MAU2: variants seen among roughly 807,000 people sequenced by gnomAD.
MAU2 encodes the protein MAU2 sister chromatid cohesion factor, also known as MAU2 chromatid cohesion factor homolog.
A neutral mutation model predicts 89.1 loss-of-function variants in MAU2; 9 were observed. That is an observed-to-expected ratio of 0.10 (90% CI 0.06 to 0.18). MAU2 has a LOEUF of 0.18. Ranked by LOEUF, MAU2 falls within the 10% of genes least tolerant of loss-of-function variation. The probability of loss-of-function intolerance (pLI) is 1.00; values close to 1 mark genes in which losing one functional copy is unlikely to be tolerated. For synonymous variants in MAU2, 357 were observed against 343.4 expected (o/e 1.04, Z -0.44); for missense variants, 425 against 803.5 (o/e 0.53, Z 5.69).
At chr19:19,341,225 C>G (rs754645193) in intron 6 of MAU2, 27 bp from the exon 7 acceptor site, 1 of 1,604,082 alleles carries the variant, frequency 6.2e-7, no homozygotes, top group East Asian at 2.2e-5. Flanking sequence ...AGCCCTGTAC[C>G]CTACACCTGC....
intron 7 of MAU2, 106 bp downstream of exon 7, chr19:19,341,513 C>T: frequency 7.3e-7 from 1 of 1,362,820 alleles, no homozygotes; most frequent in East Asian, 2.4e-5. Flanking sequence ...ATCGCCTTAC[C>T]TTGCCACACA....
At chr19:19,333,738 G>A (rs1272300901) in intron 1 of MAU2, among the ~76,000 whole-genome samples, 2 of 152,242 alleles carry the variant, frequency 1.3e-5, no homozygotes, top group East Asian at 1.9e-4. Context: ...GGGAATTCAC[G>A]TGTTGACTGG....
chr19:19,352,956 G>A (rs1327345964), intron 16 of MAU2: 2 of 152,484 alleles, frequency 1.3e-5, no homozygotes, highest in Non-Finnish European at 2.9e-5. Flanking sequence ...ATCCAGAAAG[G>A]TGGCAGCCTT....
intron 10 of MAU2, chr19:19,344,414 A>C (rs926758263): frequency 1.3e-5 from 3 of 230,500 alleles, no homozygotes; most frequent in Admixed American, 5.1e-5. Flanking sequence ...TCCATCTCAA[A>C]AAAAAAAACC....
At chr19:19,348,186 G>A (rs1350718440) in intron 13 of MAU2, 2 of 154,254 alleles carry the variant, frequency 1.3e-5, no homozygotes, top group African/African-American at 4.8e-5. Context: ...GCAACATAGG[G>A]AGACCCCCAT....
intron 1 of MAU2, among the ~76,000 whole-genome samples, chr19:19,327,516 G>A (rs555430418): frequency 5.3e-4 from 81 of 151,902 alleles, no homozygotes; most frequent in Admixed American, 1.3e-3. Flanking sequence ...TAGTAGAGAC[G>A]GGGTTTCACC....
intron 1 of MAU2, among the ~76,000 whole-genome samples, chr19:19,331,712 T>G (rs1308156258): frequency 3.3e-5 from 5 of 151,894 alleles, no homozygotes; most frequent in African/African-American, 9.7e-5. Flanking sequence ...GACCAGCCTG[T>G]GCAGCATAGC....
chr19:19,331,519 G>A (rs768584767), intron 1 of MAU2, among the ~76,000 whole-genome samples: 6 of 151,050 alleles, frequency 4.0e-5, no homozygotes, highest in African/African-American at 1.5e-4. Flanking sequence ...AAAAAATCAC[G>A]TAGATGAGGT....
At chr19:19,335,813 C>A in intron 2 of MAU2, 78 bp downstream of exon 2, 1 of 1,517,770 alleles carries the variant, frequency 6.6e-7, no homozygotes, top group Non-Finnish European at 9.2e-7. Context: ...AGCTTGAATC[C>A]CACCTCCCGA....
chr19:19,321,391 T>C, intron 1 of MAU2: 1 of 453,424 alleles, frequency 2.2e-6, no homozygotes, highest in Non-Finnish European at 3.9e-6. Context: ...CACCGTACTC[T>C]GAAAGTTGCC....
intron 17 of MAU2, 160 bp downstream of exon 17, chr19:19,354,605 G>C: frequency 1.5e-6 from 1 of 649,388 alleles, no homozygotes; most frequent in Non-Finnish European, 2.8e-6. Context: ...GGAGACCCTG[G>C]TTGAGGGCAG....
intron 7 of MAU2, among the ~76,000 whole-genome samples, chr19:19,342,240 C>G (rs1219241015): frequency 6.6e-6 from 1 of 152,176 alleles, no homozygotes; most frequent in Non-Finnish European, 1.5e-5. Context: ...TGCGTGAAGA[C>G]CAAGTGCAGC....
At position 19,345,289 on chromosome 19, in the gene MAU2, A is replaced by G. The variant is rs1415322311; in HGVS notation, c.1156-15A>G. On this transcript the variant is annotated splice_polypyrimidine_tract_variant and intron_variant, in intron 11 of 18. Coordinates refer to ENST00000262815, the MANE Select transcript of MAU2 (RefSeq NM_015329.4). This position sits in a 1 kb window ranked among gnomAD's most constrained non-coding sequence, Gnocchi z 4.9. ...CCCAGGGGCCGGCCCTGATGACAAC[A>G]CCACCTTCTTCCAGGGCCTGTACTG... 5 of 1,612,724 alleles carry G rather than the reference A, an allele frequency of 3.1e-6. No homozygotes were observed. The African/African-American group carries it at 4.0e-5, about 13-fold the overall frequency.
intron 4 of MAU2, among the ~76,000 whole-genome samples, chr19:19,337,833 G>A (rs1333093432): frequency 1.3e-5 from 2 of 152,220 alleles, no homozygotes. Context: ...CCCAGATATA[G>A]GTGAAGCCCT....
chr19:19,334,450 C>G, intron 1 of MAU2: 2 of 985,744 alleles, frequency 2.0e-6, no homozygotes, highest in South Asian at 9.4e-5. Flanking sequence ...GTGCCTGTGA[C>G]ATTCCCAGCT....
rs755418220 is a variant in MAU2, at chr19:19,349,217, G to A, written c.1421G>A (p.Arg474His). The A allele has an allele frequency of 2.1e-5, 34 of 1,614,062 alleles. No individual in the cohort carries two copies. The highest frequency in any genetic ancestry group is 1.7e-6 in the Non-Finnish European group (2 of 1,180,050). The change falls in exon 15 of 19, where the codon CGC (arginine) becomes CAC (histidine). Residue 474 changes from arginine to histidine, a missense_variant. This residue lies in a region of MAU2 where 66 missense variants were observed against 129.1 expected (regional missense o/e 0.51). Transcript: ENST00000262815. ...VRGLFSFFQG[R>H]YNEAKRFLRE... The stretch of plus-strand genomic sequence containing the variant: ...GGGCTCTTCTCCTTCTTCCAGGGAC[G>A]CTACAACGAGGCCAAGTAAGTGTGG...
intron 1 of MAU2, among the ~76,000 whole-genome samples, chr19:19,326,919 G>A (rs1157414011): frequency 1.3e-5 from 2 of 150,520 alleles, no homozygotes; most frequent in African/African-American, 4.9e-5. Flanking sequence ...ATCCCCATCA[G>A]AGTCAAAGAG....
At chr19:19,354,910 G>A (rs1284754602) in intron 17 of MAU2, among the ~76,000 whole-genome samples, 3 of 152,154 alleles carry the variant, frequency 2.0e-5, no homozygotes, top group African/African-American at 4.8e-5. Flanking sequence ...GACAGGAGAC[G>A]GGGTGCTCCA....
intron 16 of MAU2, among the ~76,000 whole-genome samples, chr19:19,350,744 C>CA (rs1364024607): frequency 6.6e-6 from 1 of 151,150 alleles, no homozygotes; most frequent in Non-Finnish European, 1.5e-5. Flanking sequence ...ACTAAAAATA[C>CA]AAAAAATTAG....
Sources: allele counts gnomAD v4.1 joint callset (sites outside exome capture counted in the v4.1 genomes callset), GRCh38; gene constraint gnomAD v4.1.1; regional missense constraint gnomAD v4.1.1; non-coding constraint Gnocchi (gnomAD v3.1); transcripts MANE v1.5; gene names NCBI Gene and HGNC (gene_info 2026-07-23, HGNC 2026-07-21).